Variants in KCNQ2 observed in about 807,000 individuals in gnomAD.
KCNQ2 encodes the protein potassium voltage-gated channel subfamily KQT member 2.
Under a neutral mutation model 84.8 loss-of-function variants are expected in KCNQ2, and 14 were observed. That is an observed-to-expected ratio of 0.17 (90% confidence interval 0.11 to 0.26). KCNQ2 has a LOEUF of 0.26. Ranked by LOEUF, KCNQ2 falls within the 10% of genes least tolerant of loss-of-function variation. KCNQ2 has a pLI of 1.00. For synonymous variants in KCNQ2, 599 were observed against 554.1 expected (o/e 1.08, Z -1.14); for missense variants, 788 against 1,254.0 (o/e 0.63, Z 5.61).
Position 63,408,293 on chromosome 20 carries a change from TA to T in KCNQ2, c.1887+119del. ...AGCTGTCAGTGGTGACAGGGCCATG[TA>T]AACCCTAGACTTGAGGAGCCCTCCG... is the stretch of plus-strand genomic sequence containing the variant. On this transcript the variant is annotated intron_variant, in intron 16 of 16. Transcript: ENST00000359125. The surrounding 1 kb of genome is among the most constrained non-coding windows in gnomAD (Gnocchi z 5.0). 7.8e-7 allele frequency: 1 copy of T among 1,289,776 alleles called. No individual in the cohort carries two copies. Among genetic ancestry groups the T allele is most frequent in the Non-Finnish European group, 1.1e-6 (1 of 925,740 alleles). 79.9% of individuals were successfully genotyped at this position (1,289,776 alleles called of 1,614,324 possible). A position where few individuals can be genotyped will look rare whatever the true frequency, so the allele number is the denominator to read the frequency against.
chr20:63,454,309 G>A (rs2081707652), intron 1 of KCNQ2, among the ~76,000 whole-genome samples: 1 of 152,236 alleles, frequency 6.6e-6, no homozygotes, highest in Admixed American at 6.5e-5. Context: ...CACCCGGAAA[G>A]TGCAGGCAAC....
Position 63,406,994 on chromosome 20 carries a change from C to T in KCNQ2, c.2269G>A (p.Gly757Arg). The stretch of plus-strand genomic sequence containing the variant: ...AACTCCATGCTGGCGCGGTTGCCCC[C>T]GCCGTAGGCGGACAGCGACCGCTCG... ...AHERSLSAYG[G>R]GNRASMEFLR... The change falls in exon 17 of 17, where the codon GGG becomes AGG. Residue 757 changes from glycine (G) to arginine (R), a missense_variant. By Grantham distance (125) the Gly-to-Arg change is moderately radical. Coordinates refer to ENST00000359125, the MANE Select transcript of KCNQ2 (RefSeq NM_172107.4). 6.5e-7 allele frequency: 1 copy of T among 1,539,898 alleles called. No individual in the cohort carries two copies. The highest frequency in any genetic ancestry group is 1.4e-5 in the African/African-American group (1 of 73,354).
intron 10 of KCNQ2, chr20:63,424,656 T>G: frequency 5.7e-6 from 1 of 176,844 alleles, no homozygotes. Flanking sequence ...AATGATTCTC[T>G]TCCGCGTGAC....
rs906305834 is a variant in KCNQ2, at chr20:63,431,251, C to T, written c.1148+89G>A. 38 of 1,495,010 alleles carry T rather than the reference C, an allele frequency of 2.5e-5. No individual in the cohort carries two copies. The South Asian group carries it at 2.9e-4, about 12-fold the overall frequency. The allele number at this position is 1,495,010 out of a possible 1,614,324, so 92.6% of individuals were successfully genotyped here. On this transcript the variant is annotated intron_variant, in intron 9 of 16. Coordinates refer to ENST00000359125, the MANE Select transcript of KCNQ2 (RefSeq NM_172107.4). ...GTCACTCTGCAGACCGGGTGGGCCA[C>T]GGGGCTCCAGGGGCTTGCCCGGTCA... is the stretch of plus-strand genomic sequence containing the variant.
intron 4 of KCNQ2, among the ~76,000 whole-genome samples, chr20:63,444,269 C>T (rs1017896121): frequency 6.6e-5 from 10 of 152,236 alleles, no homozygotes; most frequent in African/African-American, 2.2e-4. Context: ...CGCCGCAAGC[C>T]GCAGCTTAAA....
intron 11 of KCNQ2, chr20:63,422,846 TC>T (rs944610819): frequency 2.0e-5 from 3 of 152,250 alleles, no homozygotes; most frequent in African/African-American, 7.2e-5. Context: ...CGGGGCGGGT[TC>T]CGGCGTCGCT....
rs546647357 is a variant in KCNQ2 at position 63,412,889 on chromosome 20, G to A, written c.1763+561C>T. On this transcript the variant is annotated intron_variant, in intron 15 of 16. Coordinates refer to ENST00000359125, the MANE Select transcript of KCNQ2 (RefSeq NM_172107.4). ...ATATCCTTGTTTGTATGTGCCTGAG[G>A]CTGCACATGTGTGGGCACGTGTGTG... is the stretch of plus-strand genomic sequence containing the variant. Among the ~76,000 whole-genome samples the A allele has an allele frequency of 4.9e-4, 74 of 152,350 alleles. 1 individual carries two copies. The highest frequency in any genetic ancestry group is 8.1e-4 in the Non-Finnish European group (55 of 68,024).
At chr20:63,442,923 CCATCACCAT>C (rs2081251567) in intron 4 of KCNQ2, among the ~76,000 whole-genome samples, 2 of 9,536 alleles carry the variant, frequency 2.1e-4, no homozygotes, top group Non-Finnish European at 2.0e-4. Context: ...ACCATCACCA[CCATCACCAT>C]CACCACCACC....
intron 6 of KCNQ2, 121 bp downstream of exon 6, chr20:63,439,477 T>C (rs1479152624): frequency 2.6e-6 from 2 of 764,234 alleles, no homozygotes; most frequent in Non-Finnish European, 4.6e-6. Context: ...GCTGTGGACC[T>C]GCTGAGAGCT....
At position 63,446,252 on chromosome 20, in the gene KCNQ2, T is replaced by C; in HGVS notation, c.387+495A>G. On this transcript the variant is annotated intron_variant, in intron 2 of 16. Coordinates refer to ENST00000359125, the MANE Select transcript of KCNQ2 (RefSeq NM_172107.4). This position sits in a 1 kb window ranked among gnomAD's most constrained non-coding sequence, Gnocchi z 5.5. ...GAGCAGGGCGGGCAGTAGAGGGAGG[T>C]GCATTTGGATGGGGACCAGTCTCCT... 4.2e-6 allele frequency: 1 copy of C among 238,764 alleles called. No homozygotes were observed. 14.8% of individuals were successfully genotyped at this position (238,764 alleles called of 1,614,324 possible).
chr20:63,420,095 G>A (rs2080420772), intron 11 of KCNQ2, among the ~76,000 whole-genome samples: 1 of 152,368 alleles, frequency 6.6e-6, no homozygotes, highest in Non-Finnish European at 1.5e-5. Context: ...AAAACGTGCA[G>A]TTGTCCCGCT....
chr20:63,411,747 C>T (rs2080126724), intron 15 of KCNQ2: 1 of 587,350 alleles, frequency 1.7e-6, no homozygotes, highest in Non-Finnish European at 3.1e-6. Flanking sequence ...ATTCCACAGA[C>T]ACGTCGGAGA....
intron 1 of KCNQ2, among the ~76,000 whole-genome samples, chr20:63,450,797 G>A (rs1038103933): frequency 3.3e-5 from 5 of 151,886 alleles, no homozygotes; most frequent in Admixed American, 2.0e-4. Context: ...GTCTCACAGG[G>A]CACTCTACCA....
At chr20:63,450,033 G>A (rs1036806036) in intron 1 of KCNQ2, among the ~76,000 whole-genome samples, 25 of 151,382 alleles carry the variant, frequency 1.7e-4, no homozygotes, top group African/African-American at 4.9e-4. Flanking sequence ...CCTGGAACCC[G>A]CCCGCCACCA....
intron 7 of KCNQ2, 40 bp from the exon 8 acceptor site, chr20:63,433,943 G>T (rs777078826): frequency 6.3e-7 from 1 of 1,584,306 alleles, no homozygotes; most frequent in Admixed American, 1.7e-5. Context: ...AGGGGCAGGC[G>T]GCGAGGGGCG....
At chr20:63,441,946 G>A (rs903634158) in intron 5 of KCNQ2, among the ~76,000 whole-genome samples, 4 of 152,182 alleles carry the variant, frequency 2.6e-5, no homozygotes, top group African/African-American at 9.7e-5. Context: ...GCCTGAGGGT[G>A]TCTGTGGCCC....
At chr20:63,426,047 C>T (rs1026581894) in intron 10 of KCNQ2, among the ~76,000 whole-genome samples, 3 of 152,212 alleles carry the variant, frequency 2.0e-5, no homozygotes, top group Admixed American at 6.5e-5. Context: ...GCGGGAGCCT[C>T]GGGATCGTTC....
intron 1 of KCNQ2, among the ~76,000 whole-genome samples, chr20:63,469,040 A>C (rs2082146801): frequency 3.3e-5 from 5 of 152,256 alleles, no homozygotes; most frequent in Admixed American, 3.3e-4. Context: ...CACACCCAGC[A>C]ACCCACGCGG....
intron 15 of KCNQ2, among the ~76,000 whole-genome samples, chr20:63,413,005 G>C (rs532679774): frequency 7.2e-5 from 11 of 152,280 alleles, no homozygotes; most frequent in African/African-American, 2.2e-4. Flanking sequence ...CGGGAACCCT[G>C]CAGCTTCATG....
Sources: allele counts gnomAD v4.1 joint callset (sites outside exome capture counted in the v4.1 genomes callset), GRCh38; gene constraint gnomAD v4.1.1; non-coding constraint Gnocchi (gnomAD v3.1); transcripts MANE v1.5; gene names NCBI Gene and HGNC (gene_info 2026-07-23, HGNC 2026-07-21).